TENM3: variants seen among roughly 807,000 people sequenced by gnomAD.
The protein encoded by TENM3 is teneurin transmembrane protein 3, also known as teneurin-3.
In TENM3, 63 loss-of-function variants were observed where a neutral mutation model predicts 255.1. The ratio of observed to expected loss-of-function variants is 0.25; its 90% CI spans 0.20 to 0.30. TENM3 has a LOEUF of 0.30. Among genes scored for constraint, TENM3 ranks in the 10% least tolerant of loss-of-function variants. The pLI, the probability that TENM3 is intolerant of heterozygous loss-of-function variation, is 1.00. For missense variants in TENM3, 2,929 were observed against 3,461.1 expected, an observed-to-expected ratio of 0.85 and a Z score of 3.86; for synonymous variants, 1,306 against 1,322.3, an observed-to-expected ratio of 0.99 and a Z score of 0.27.
At chr4:182,560,967 A>G (rs940823998) in intron 3 of TENM3, among the ~76,000 whole-genome samples, 6 of 152,162 alleles carry the variant, frequency 3.9e-5, no homozygotes, top group Non-Finnish European at 5.9e-5. Flanking sequence ...GAGTACATCC[A>G]TTCCTCTCCG....
chr4:182,492,813 A>G (rs1156301410), intron 3 of TENM3, among the ~76,000 whole-genome samples: 1 of 152,190 alleles, frequency 6.6e-6, no homozygotes, highest in Non-Finnish European at 1.5e-5. Context: ...TTCTGTTGAT[A>G]CTGGTTTCAT....
At position 182,405,935 on chromosome 4, in the gene TENM3, A is replaced by G. The variant is rs557826860; in HGVS notation, c.511+59006A>G. Among the ~76,000 whole-genome samples the G allele has an allele frequency of 8.9e-4, 136 of 152,312 alleles. 1 individual carries two copies. The highest frequency in any genetic ancestry group is 1.6e-3 in the Admixed American group (24 of 15,300). ...TCTGGGTTTGCAAAGATGAGCCATC[A>G]CTGGAGATGCTGGTGTGCGACAGTG... On this transcript the variant is annotated intron_variant, in intron 3 of 27. Transcript: ENST00000511685.
chr4:182,159,447 A>AGTGTGTGT lies in TENM3; in HGVS notation c.-76+14724_-76+14731dup, dbSNP rs67981646. 2.7e-3 allele frequency among the ~76,000 whole-genome samples: 348 copies of AGTGTGTGT among 130,760 alleles called. 3 individuals are homozygous for AGTGTGTGT. Among genetic ancestry groups the AGTGTGTGT allele is most frequent in the African/African-American group, 0.01 (335 of 33,200 alleles). The allele number at this position is 130,760 out of a possible 152,430, so 85.8% of individuals were successfully genotyped here. ...CAGTGAGCAATGGATAGTGTGTATG[A>AGTGTGTGT]GTGTGTGTGTGTGTGTGTGTGTGTG... On this transcript the variant is annotated intron_variant, in intron 1 of 2. Coordinates refer to the TENM3 transcript ENST00000512480.
At position 182,349,006 on chromosome 4, in the gene TENM3, A is replaced by G. The variant is rs147040302; in HGVS notation, c.511+2077A>G. 3.7e-3 allele frequency among the ~76,000 whole-genome samples: 563 copies of G among 152,314 alleles called. 2 individuals are homozygous for G. The highest frequency in any genetic ancestry group is 0.013 in the African/African-American group (536 of 41,566). On this transcript the variant is annotated intron_variant, in intron 3 of 27. Transcript: ENST00000511685. ...AAAGGCAAGAAAAGTTGCACTCTTTAATTTCTCCAAGTAGTGGCTAGGAAG... is the reference window on the plus strand; with the variant it reads ...AAAGGCAAGAAAAGTTGCACTCTTTGATTTCTCCAAGTAGTGGCTAGGAAG...
At chr4:181,566,526 T>C in the TENM3 span, among the ~76,000 whole-genome samples, 1 of 152,114 alleles carries the variant, frequency 6.6e-6, no homozygotes, top group Non-Finnish European at 1.5e-5. Flanking sequence ...TTTGAGATTT[T>C]CCTCTTTCCC....
At chr4:182,268,865 C>G (rs1332597997) in intron 1 of TENM3, among the ~76,000 whole-genome samples, 1 of 152,120 alleles carries the variant, frequency 6.6e-6, no homozygotes, top group African/African-American at 2.4e-5. Context: ...AACAGCAGCC[C>G]TCGGGGCTGC....
At chr4:182,146,219 G>A (rs1749956343) in intron 1 of TENM3, among the ~76,000 whole-genome samples, 1 of 152,056 alleles carries the variant, frequency 6.6e-6, no homozygotes, top group Admixed American at 6.5e-5. Flanking sequence ...ATCTTGCTTT[G>A]TGCATTCCTT....
At chr4:181,919,127 G>A in the TENM3 span, among the ~76,000 whole-genome samples, 1 of 152,148 alleles carries the variant, frequency 6.6e-6, no homozygotes, top group African/African-American at 2.4e-5. Flanking sequence ...TTGTTGGGGA[G>A]TTGTGGTACC....
the TENM3 span, among the ~76,000 whole-genome samples, chr4:181,505,823 A>T: frequency 6.6e-6 from 1 of 152,222 alleles, no homozygotes; most frequent in African/African-American, 2.4e-5. Context: ...TATTTTGCTT[A>T]AAAACATCAG....
chr4:181,832,060 G>C, the TENM3 span, among the ~76,000 whole-genome samples: 1 of 144,104 alleles, frequency 6.9e-6, no homozygotes, highest in Non-Finnish European at 1.5e-5. Context: ...GGTCATTCAC[G>C]GTATGGAGAA....
intron 3 of TENM3, among the ~76,000 whole-genome samples, chr4:182,451,949 G>A (rs1425940324): frequency 6.6e-6 from 1 of 152,082 alleles, no homozygotes; most frequent in Non-Finnish European, 1.5e-5. Context: ...GCTAAATACA[G>A]GACAATATAT....
chr4:182,799,490 G>A lies in TENM3; in HGVS notation c.7345-106G>A, dbSNP rs114380915. On this transcript the variant is annotated intron_variant, in intron 27 of 27. Coordinates refer to ENST00000511685, the MANE Select transcript of TENM3 (RefSeq NM_001080477.4). This position sits in a 1 kb window ranked among gnomAD's most constrained non-coding sequence, Gnocchi z 4.2. ...CTTCTGGTCAGGGAAGGACCCCGGGGCTTCCATGCATGCCCCGGCGCTGCC... is the reference window on the plus strand; with the variant it reads ...CTTCTGGTCAGGGAAGGACCCCGGGACTTCCATGCATGCCCCGGCGCTGCC... The A allele has an allele frequency of 7.1e-7, 1 of 1,414,568 alleles. No individual in the cohort carries two copies. Among genetic ancestry groups the A allele is most frequent in the South Asian group, 1.4e-5 (1 of 72,830 alleles). The allele number at this position is 1,414,568 out of a possible 1,614,324, so 87.6% of individuals were successfully genotyped here. A position where few individuals can be genotyped will look rare whatever the true frequency, so the allele number is the denominator to read the frequency against.
intron 3 of TENM3, among the ~76,000 whole-genome samples, chr4:182,438,833 T>G (rs1258658390): frequency 6.6e-6 from 1 of 152,250 alleles, no homozygotes; most frequent in East Asian, 1.9e-4. Context: ...TTTTTAAAAT[T>G]CATTTGAATG....
chr4:182,416,408 C>A (rs2151107913), intron 3 of TENM3, among the ~76,000 whole-genome samples: 1 of 150,694 alleles, frequency 6.6e-6, no homozygotes, highest in East Asian at 1.9e-4. Flanking sequence ...TGTGTTTTTC[C>A]TCTCATATTG....
At chr4:181,817,741 T>C in the TENM3 span, among the ~76,000 whole-genome samples, 1 of 152,152 alleles carries the variant, frequency 6.6e-6, no homozygotes, top group Non-Finnish European at 1.5e-5. Flanking sequence ...ACCTTCAAGG[T>C]GCCATCTTGG....
chr4:182,080,503 T>G, the TENM3 span, among the ~76,000 whole-genome samples: 1 of 152,196 alleles, frequency 6.6e-6, no homozygotes, highest in Non-Finnish European at 1.5e-5. Context: ...AAAATTTTTA[T>G]TTTCTATGTT....
chr4:181,485,054 A>C, the TENM3 span, among the ~76,000 whole-genome samples: 6 of 152,302 alleles, frequency 3.9e-5, no homozygotes, highest in Non-Finnish European at 8.8e-5. Context: ...GTTTTTCTTT[A>C]GATAATATTA....
At chr4:182,164,688 T>A (rs1357561250) in intron 1 of TENM3, among the ~76,000 whole-genome samples, 2 of 152,200 alleles carry the variant, frequency 1.3e-5, no homozygotes, top group African/African-American at 4.8e-5. Context: ...AGGGACCTTG[T>A]TTGTTTTGCT....
At chr4:182,243,651 G>C (rs1561235086) in intron 1 of TENM3, among the ~76,000 whole-genome samples, 175 bp downstream of exon 1, 1 of 144,208 alleles carries the variant, frequency 6.9e-6, no homozygotes, top group Non-Finnish European at 1.5e-5. Context: ...GGGCAAATCT[G>C]GGCAGTGTTG....
Sources: gnomAD v4.1 joint callset for allele counts (sites outside exome capture counted in the v4.1 genomes callset) on GRCh38, gnomAD v4.1.1 for gene constraint, Gnocchi (gnomAD v3.1) non-coding constraint, MANE v1.5 for transcripts, NCBI Gene and HGNC (gene_info 2026-07-23, HGNC 2026-07-21) for gene names.